Variants in ATXN8OS observed in about 807,000 individuals in gnomAD.
ATXN8OS encodes ATXN8 opposite strand lncRNA.
At chr13:70,136,444 TTAA>T (rs1888616162) in intron 3 of ATXN8OS, among the ~76,000 whole-genome samples, 2 of 151,644 alleles carry the variant, frequency 1.3e-5, no homozygotes, top group Admixed American at 6.6e-5. Flanking sequence ...GCCTTTTATA[TTAA>T]TATTTATAAT....
At chr13:70,136,194 T>C (rs302020) in intron 3 of ATXN8OS, among the ~76,000 whole-genome samples, 91,880 of 152,022 alleles carry the variant, frequency 0.6, 28,209 homozygotes, top group East Asian at 0.83. Flanking sequence ...TTGGTAGAAA[T>C]CTGGCTATTT....
chr13:70,112,443 T>C (rs1888210307), intron 1 of ATXN8OS, among the ~76,000 whole-genome samples: 1 of 152,178 alleles, frequency 6.6e-6, no homozygotes, highest in Non-Finnish European at 1.5e-5. Context: ...CATAATATCA[T>C]ATAGCACTAA....
chr13:70,124,231 A>T (rs1465224738), intron 2 of ATXN8OS, among the ~76,000 whole-genome samples: 1 of 152,140 alleles, frequency 6.6e-6, no homozygotes, highest in East Asian at 1.9e-4. Context: ...AACATTAAAT[A>T]ATTAATAATG....
intron 3 of ATXN8OS, among the ~76,000 whole-genome samples, chr13:70,130,407 A>G (rs1888514530): frequency 6.6e-6 from 1 of 152,192 alleles, no homozygotes; most frequent in Non-Finnish European, 1.5e-5. Context: ...TACTAATAAC[A>G]AAAGTTCATA....
chr13:70,152,357 G>A (rs201174556), intron 4 of ATXN8OS, among the ~76,000 whole-genome samples: 1 of 149,606 alleles, frequency 6.7e-6, no homozygotes, highest in Admixed American at 6.7e-5. Context: ...CTGTGTGTGT[G>A]TGTATATATA....
At chr13:70,169,885 C>T (rs1053260408) in exon 5 of ATXN8OS, among the ~76,000 whole-genome samples, 1 of 152,086 alleles carries the variant, frequency 6.6e-6, no homozygotes, top group Non-Finnish European at 1.5e-5. Context: ...CAGCTCCACA[C>T]CACCTCCTGG....
intron 4 of ATXN8OS, among the ~76,000 whole-genome samples, chr13:70,152,355 G>GTATATATACATATATA: frequency 6.6e-6 from 1 of 151,568 alleles, no homozygotes; most frequent in East Asian, 1.9e-4. Context: ...ACCTGTGTGT[G>GTATATATACATATATA]TGTGTATATA....
rs925030678 is a variant in ATXN8OS at position 70,161,172 on chromosome 13, G to A, written n.574-8581G>A. ...ATTGAATTGAAAAAAAAAATCTAAG[G>A]TTAAACTGAAAAATTACCCACTGTC... is the stretch of plus-strand genomic sequence containing the variant. On this transcript the variant is annotated intron_variant and non_coding_transcript_variant, in intron 4 of 4. Transcript: ENST00000678624. Among the ~76,000 whole-genome samples, 6 of 151,010 alleles carry A rather than the reference G, an allele frequency of 4.0e-5. No individual in the cohort carries two copies. In the East Asian group the frequency reaches 1.2e-3, roughly 29 times the overall value.
chr13:70,145,891 CA>C (rs1888778263), intron 3 of ATXN8OS, among the ~76,000 whole-genome samples: 1 of 150,470 alleles, frequency 6.6e-6, no homozygotes, highest in African/African-American at 2.4e-5. Flanking sequence ...GCAATGGCAA[CA>C]AAAGCCAAAA....
chr13:70,139,465 G>T, intron 3 of ATXN8OS: 1 of 670,804 alleles, frequency 1.5e-6, no homozygotes, highest in Admixed American at 2.2e-5. Flanking sequence ...TTTACTATTT[G>T]ATGTTATAAT....
chr13:70,161,050 C>T (rs1889003253), intron 4 of ATXN8OS, among the ~76,000 whole-genome samples: 1 of 151,192 alleles, frequency 6.6e-6, no homozygotes, highest in South Asian at 2.1e-4. Flanking sequence ...TAGAAAATGT[C>T]TGAATTTACT....
chr13:70,152,595 TG>T (rs1888884636), intron 4 of ATXN8OS, among the ~76,000 whole-genome samples: 1 of 152,064 alleles, frequency 6.6e-6, no homozygotes, highest in African/African-American at 2.4e-5. Context: ...TCATCATGCA[TG>T]ATGCCCCTAT....
chr13:70,155,401 A>G (rs1259879979), intron 4 of ATXN8OS, among the ~76,000 whole-genome samples: 2 of 152,160 alleles, frequency 1.3e-5, no homozygotes, highest in Non-Finnish European at 2.9e-5. Flanking sequence ...AACATACCCA[A>G]TATATAGGAC....
rs191479188 is a variant in ATXN8OS at position 70,128,927 on chromosome 13, C to T, written n.399-857C>T. Among the ~76,000 whole-genome samples, 449 of 151,946 alleles carry T rather than the reference C, an allele frequency of 3.0e-3. 2 individuals are homozygous for T. Among genetic ancestry groups the T allele is most frequent in the Middle Eastern group, 0.017 (5 of 294 alleles). The stretch of plus-strand genomic sequence containing the variant: ...CCACACTGGAGTGCAGTGGCGCAAT[C>T]CCAGCTCACTGCAACCTCCACCTCC... On this transcript the variant is annotated intron_variant and non_coding_transcript_variant, in intron 2 of 4. Transcript: ENST00000678624.
At chr13:70,145,893 A>G (rs1448654401) in intron 3 of ATXN8OS, among the ~76,000 whole-genome samples, 1 of 150,830 alleles carries the variant, frequency 6.6e-6, no homozygotes, top group Non-Finnish European at 1.5e-5. Context: ...AATGGCAACA[A>G]AAGCCAAAAT....
chr13:70,150,519 C>T (rs941005531), intron 4 of ATXN8OS, among the ~76,000 whole-genome samples: 1 of 151,992 alleles, frequency 6.6e-6, no homozygotes, highest in African/African-American at 2.4e-5. Context: ...CTGCAGGCTA[C>T]TGAAAAATGA....
intron 4 of ATXN8OS, among the ~76,000 whole-genome samples, chr13:70,152,180 A>C (rs562480672): frequency 6.6e-6 from 1 of 151,936 alleles, no homozygotes; most frequent in Admixed American, 6.6e-5. Context: ...TTCACATGGG[A>C]TGCTCCTGTT....
intron 3 of ATXN8OS, among the ~76,000 whole-genome samples, chr13:70,140,050 A>T (rs1043281167): frequency 1.3e-5 from 2 of 152,162 alleles, no homozygotes; most frequent in Non-Finnish European, 2.9e-5. Context: ...TTAGGGCTAC[A>T]ACTCTTCATA....
intron 3 of ATXN8OS, among the ~76,000 whole-genome samples, chr13:70,146,392 G>C (rs1017769500): frequency 2.0e-5 from 3 of 151,762 alleles, no homozygotes; most frequent in Non-Finnish European, 4.4e-5. Flanking sequence ...AATACCATTT[G>C]ACCCAGCCAT....
Sources: gnomAD v4.1 joint callset for allele counts (sites outside exome capture counted in the v4.1 genomes callset) on GRCh38, gnomAD v4.1.1 for gene constraint, MANE v1.5 for transcripts, NCBI Gene and HGNC (gene_info 2026-07-23, HGNC 2026-07-21) for gene names.